FABP7: variants seen among roughly 807,000 people sequenced by gnomAD.
The protein encoded by FABP7 is fatty acid-binding protein, brain.
In FABP7, 13 loss-of-function variants were observed where a neutral mutation model predicts 14.2. The observed-to-expected ratio is 0.91, with a 90% CI of 0.59 to 1.45. The LOEUF (loss-of-function observed/expected upper bound fraction) is 1.45. Ranked by LOEUF, FABP7 falls within the 40% of genes most tolerant of loss-of-function variation. FABP7 has a pLI of 0.00. For synonymous variants in FABP7, 49 were observed against 51.4 expected (o/e 0.95, Z 0.20); for missense variants, 149 against 157.6 (o/e 0.95, Z 0.29).
At position 122,780,155 on chromosome 6, in the gene FABP7, C is replaced by T; in HGVS notation, c.74-136C>T. The T allele has an allele frequency of 3.1e-6, 3 of 978,668 alleles. No homozygotes were observed. In the South Asian group the frequency reaches 4.5e-5, roughly 15 times the overall value. 60.6% of individuals were successfully genotyped at this position (978,668 alleles called of 1,614,324 possible). ...CACTTATTATCACAGTAGTGTTTTA[C>T]ATGATTAATGGGCTAATCATGTTCT... is the stretch of plus-strand genomic sequence containing the variant. On this transcript the variant is annotated intron_variant, in intron 1 of 3. Coordinates refer to ENST00000368444, the MANE Select transcript of FABP7 (RefSeq NM_001446.5).
chr6:122,779,789 G>A lies in FABP7; in HGVS notation c.-6G>A, dbSNP rs1355184205. 2 of 1,614,102 alleles carry A rather than the reference G, an allele frequency of 1.2e-6. No homozygotes were observed. Among genetic ancestry groups the A allele is most frequent in the Non-Finnish European group, 1.7e-6 (2 of 1,179,992 alleles). On this transcript the variant is annotated 5_prime_UTR_variant, in exon 1 of 4. Transcript: ENST00000368444. ...CTCCTGTCTCTAAAGAGGGGAAAGG[G>A]CAAGGATGGTGGAGGCTTTCTGTGC...
At chr6:122,782,009 C>G in intron 3 of FABP7, 1 of 961,280 alleles carries the variant, frequency 1.0e-6, no homozygotes, top group Non-Finnish European at 1.2e-6. Flanking sequence ...GCCTCGGCCT[C>G]CCAGAGTGCT....
chr6:122,779,908 A>G (rs1401753910), intron 1 of FABP7, 41 bp downstream of exon 1: 2 of 1,581,032 alleles, frequency 1.3e-6, no homozygotes, highest in Non-Finnish European at 1.7e-6. Flanking sequence ...CTCAACGTGC[A>G]GCTTTAGATA....
the FABP7 span, among the ~76,000 whole-genome samples, chr6:122,762,993 C>T: frequency 6.6e-6 from 1 of 152,186 alleles, no homozygotes; most frequent in Non-Finnish European, 1.5e-5. Context: ...TTGCCATCCC[C>T]ATCAAGCTAC....
upstream of FABP7, among the ~76,000 whole-genome samples, chr6:122,775,912 G>A (rs1348863486): frequency 6.6e-6 from 1 of 152,048 alleles, no homozygotes; most frequent in African/African-American, 2.4e-5. Flanking sequence ...TCTCAAAGAA[G>A]AGATAAGAAT....
chr6:122,782,298 G>A (rs752790233), intron 3 of FABP7: 5 of 733,408 alleles, frequency 6.8e-6, no homozygotes, highest in Non-Finnish European at 8.3e-6. Context: ...CTGAAAGCTG[G>A]ACGCCTGAGA....
rs752869968 is a variant in FABP7, at chr6:122,779,800, G to A, written c.6G>A (p.Val2=). 4 of 1,614,034 alleles carry A rather than the reference G, an allele frequency of 2.5e-6. No homozygotes were observed. In the East Asian group the frequency reaches 6.7e-5, roughly 27 times the overall value. ...AAAGAGGGGAAAGGGCAAGGATGGT[G>A]GAGGCTTTCTGTGCTACCTGGAAGC... M[V]EAFCATWKLT... The change falls in exon 1 of 4, where the codon GTG becomes GTA. Residue 2 remains valine, a synonymous_variant. Coordinates refer to ENST00000368444, the MANE Select transcript of FABP7 (RefSeq NM_001446.5).
chr6:122,775,831 AC>A (rs1780664253), upstream of FABP7, among the ~76,000 whole-genome samples: 1 of 119,456 alleles, frequency 8.4e-6, no homozygotes, highest in South Asian at 4.6e-4. Context: ...ATAGCAAAAA[AC>A]AAACAAACAA....
chr6:122,767,389 C>T, the FABP7 span, among the ~76,000 whole-genome samples: 4 of 151,934 alleles, frequency 2.6e-5, no homozygotes, highest in African/African-American at 9.7e-5. Flanking sequence ...TAGAAGGTTA[C>T]AAACCTAATT....
chr6:122,761,196 G>T, the FABP7 span, among the ~76,000 whole-genome samples: 26,882 of 152,086 alleles, frequency 0.18, 2,951 homozygotes, highest in Non-Finnish European at 0.24. Flanking sequence ...TTCCTGCAAG[G>T]TGACTGTTAA....
the FABP7 span, among the ~76,000 whole-genome samples, chr6:122,758,262 C>T: frequency 6.6e-6 from 1 of 152,166 alleles, no homozygotes; most frequent in Admixed American, 6.5e-5. Context: ...CATGTGTCAC[C>T]ACATCTGGTT....
upstream of FABP7, among the ~76,000 whole-genome samples, chr6:122,775,210 A>G (rs1310331556): frequency 1.3e-5 from 2 of 152,154 alleles, no homozygotes; most frequent in African/African-American, 4.8e-5. Flanking sequence ...CTAAGTAAAA[A>G]GAACAAAGCA....
chr6:122,768,475 C>A, the FABP7 span, among the ~76,000 whole-genome samples: 1 of 151,986 alleles, frequency 6.6e-6, no homozygotes, highest in Non-Finnish European at 1.5e-5. Context: ...TGTAGATGCA[C>A]TGAACTAAAT....
intron 3 of FABP7, chr6:122,782,155 A>AT (rs1320601397): frequency 2.0e-6 from 2 of 984,078 alleles, no homozygotes; most frequent in Middle Eastern, 5.2e-4. Context: ...CATGAAAAAT[A>AT]TTTTTTTCAA....
Position 122,780,044 on chromosome 6 carries a change from C to G in FABP7, c.73+177C>G, listed in dbSNP as rs115196977. 8.1e-3 allele frequency among the ~76,000 whole-genome samples: 1,231 copies of G among 152,308 alleles called. 21 individuals are homozygous for G. The highest frequency in any genetic ancestry group is 0.028 in the African/African-American group (1,183 of 41,558). On this transcript the variant is annotated intron_variant, in intron 1 of 3. Coordinates refer to ENST00000368444, the MANE Select transcript of FABP7 (RefSeq NM_001446.5). ...TTTTAATGTGGCACTTGCTTGCCTTCTTACCCAGGGCCAATAAAAACAGAA... is the reference window on the plus strand; with the variant it reads ...TTTTAATGTGGCACTTGCTTGCCTTGTTACCCAGGGCCAATAAAAACAGAA...
the FABP7 span, among the ~76,000 whole-genome samples, chr6:122,763,339 T>G: frequency 3.9e-5 from 6 of 152,126 alleles, no homozygotes; most frequent in African/African-American, 9.7e-5. Flanking sequence ...TAGCCATATG[T>G]AGAAAGCTGA....
At chr6:122,767,969 T>C in the FABP7 span, among the ~76,000 whole-genome samples, 2 of 151,980 alleles carry the variant, frequency 1.3e-5, no homozygotes, top group East Asian at 3.9e-4. Context: ...AGTTACAAAC[T>C]GGAAGAATAT....
intron 3 of FABP7, 154 bp from the exon 4 acceptor site, chr6:122,783,563 G>T: frequency 1.0e-6 from 1 of 985,188 alleles, no homozygotes; most frequent in African/African-American, 1.7e-5. Flanking sequence ...TCAATATAGG[G>T]TCTCTTTTCA....
chr6:122,759,598 A>C, the FABP7 span, among the ~76,000 whole-genome samples: 16 of 152,194 alleles, frequency 1.1e-4, no homozygotes, highest in Non-Finnish European at 2.2e-4. Context: ...TTTAGTCCTT[A>C]CAACTACTGT....
Sources: allele counts gnomAD v4.1 joint callset (sites outside exome capture counted in the v4.1 genomes callset), GRCh38; gene constraint gnomAD v4.1.1; transcripts MANE v1.5; gene names NCBI Gene and HGNC (gene_info 2026-07-23, HGNC 2026-07-21).